LRRC7: variants seen among roughly 807,000 people sequenced by gnomAD.
LRRC7 encodes the protein leucine rich repeat containing 7.
A neutral mutation model predicts 175.7 loss-of-function variants in LRRC7; 23 were observed. The observed-to-expected ratio is 0.13, with a 90% confidence interval of 0.09 to 0.19. The LOEUF is 0.19. LRRC7 is among the 10% of genes least tolerant of loss of function. The pLI is 1.00. For missense variants in LRRC7, 1,354 were observed against 1,904.7 expected (o/e 0.71, Z 5.38); for synonymous variants, 685 against 680.9 (o/e 1.01, Z -0.09).
intron 3 of LRRC7, among the ~76,000 whole-genome samples, chr1:69,764,730 C>CAGACAGATAGATAGATAGATAGATAGAT (rs1377304958): frequency 7.1e-6 from 1 of 140,300 alleles, no homozygotes; most frequent in Non-Finnish European, 1.5e-5. Context: ...GATAGATAGA[C>CAGACAGATAGATAGATAGATAGATAGAT]AGATAGATAG....
intron 11 of LRRC7, among the ~76,000 whole-genome samples, chr1:70,010,183 T>C (rs1418057712): frequency 6.6e-6 from 1 of 152,232 alleles, no homozygotes; most frequent in Non-Finnish European, 1.5e-5. Context: ...AAATCCATTC[T>C]GACTTCAACC....
intron 18 of LRRC7, among the ~76,000 whole-genome samples, chr1:70,032,193 G>A (rs1658819081): frequency 6.6e-6 from 1 of 152,128 alleles, no homozygotes; most frequent in Non-Finnish European, 1.5e-5. Context: ...GTCAATTATT[G>A]CTTTGTTTCC....
chr1:69,779,159 T>C (rs922254091), intron 3 of LRRC7, among the ~76,000 whole-genome samples: 8 of 152,256 alleles, frequency 5.3e-5, no homozygotes, highest in Non-Finnish European at 8.8e-5. Flanking sequence ...CCAGTAGTTT[T>C]TTATATGTCA....
At chr1:69,983,812 TTC>T (rs1653670952) in intron 9 of LRRC7, among the ~76,000 whole-genome samples, 3 of 152,234 alleles carry the variant, frequency 2.0e-5, no homozygotes. Flanking sequence ...TCTCAAAAAC[TTC>T]TTTCTTTGTC....
intron 7 of LRRC7, among the ~76,000 whole-genome samples, chr1:69,899,088 G>T (rs932471845): frequency 6.6e-6 from 1 of 152,174 alleles, no homozygotes; most frequent in Non-Finnish European, 1.5e-5. Flanking sequence ...TTTTTTATCT[G>T]TGAGCAGAAG....
intron 2 of LRRC7, among the ~76,000 whole-genome samples, chr1:69,716,688 C>G (rs1351207410): frequency 6.6e-6 from 1 of 151,700 alleles, no homozygotes; most frequent in Non-Finnish European, 1.5e-5. Flanking sequence ...AAGGTGATAT[C>G]AAATGAAATC....
chr1:69,604,518 ATACCT>A (rs998776582), intron 1 of LRRC7, among the ~76,000 whole-genome samples: 56 of 152,318 alleles, frequency 3.7e-4, no homozygotes, highest in African/African-American at 1.3e-3. Flanking sequence ...TAATTCACTA[ATACCT>A]TAACTTGATT....
chr1:69,768,325 GT>G (rs1329219254), intron 3 of LRRC7, among the ~76,000 whole-genome samples: 1 of 152,118 alleles, frequency 6.6e-6, no homozygotes, highest in Non-Finnish European at 1.5e-5. Context: ...TTTACCCTTG[GT>G]TTTTCCACTG....
At chr1:70,033,312 C>T (rs989925236) in intron 18 of LRRC7, among the ~76,000 whole-genome samples, 6 of 152,220 alleles carry the variant, frequency 3.9e-5, no homozygotes, top group African/African-American at 1.4e-4. Flanking sequence ...ATAAATACCA[C>T]ATAATGATAA....
intron 11 of LRRC7, among the ~76,000 whole-genome samples, chr1:69,999,686 A>G (rs567172182): frequency 6.6e-6 from 1 of 152,324 alleles, no homozygotes; most frequent in African/African-American, 2.4e-5. Context: ...TGATTCTGTC[A>G]GTTCTGGACA....
intron 13 of LRRC7, 139 bp downstream of exon 13, chr1:70,013,228 C>A: frequency 2.5e-6 from 1 of 404,038 alleles, no homozygotes; most frequent in Non-Finnish European, 4.5e-6. Context: ...CTTAAAATAG[C>A]AGAAGGTAAA....
At chr1:69,687,743 T>C (rs1661365535) in intron 2 of LRRC7, among the ~76,000 whole-genome samples, 1 of 152,116 alleles carries the variant, frequency 6.6e-6, no homozygotes, top group Non-Finnish European at 1.5e-5. Flanking sequence ...AGAATTTCTT[T>C]AATATTAGCA....
chr1:70,099,968 G>A (rs376902393), intron 25 of LRRC7, among the ~76,000 whole-genome samples: 6 of 152,046 alleles, frequency 3.9e-5, no homozygotes, highest in African/African-American at 1.4e-4. Context: ...AGGATTGTAA[G>A]TGAATGAATA....
At chr1:69,861,916 C>T (rs1557823673) in intron 7 of LRRC7, among the ~76,000 whole-genome samples, 1 of 152,172 alleles carries the variant, frequency 6.6e-6, no homozygotes, top group African/African-American at 2.4e-5. Flanking sequence ...TACAGTGTAG[C>T]TTTCTGGTAC....
chr1:69,746,907 C>A (rs1232124505), intron 2 of LRRC7, among the ~76,000 whole-genome samples: 1 of 152,128 alleles, frequency 6.6e-6, no homozygotes, highest in Non-Finnish European at 1.5e-5. Flanking sequence ...CAAATCAAGG[C>A]AAATCACTGT....
chr1:69,794,682 CT>C, intron 4 of LRRC7, among the ~76,000 whole-genome samples: 2 of 152,038 alleles, frequency 1.3e-5, no homozygotes, highest in Admixed American at 1.3e-4. Context: ...AAAAATCTAC[CT>C]TATTTTTAAA....
chr1:70,090,022 T>C (rs1402970862), intron 25 of LRRC7, among the ~76,000 whole-genome samples: 2 of 152,114 alleles, frequency 1.3e-5, no homozygotes, highest in East Asian at 3.9e-4. Context: ...AAGGGAAAAG[T>C]CTCTAAACAT....
intron 2 of LRRC7, 122 bp downstream of exon 2, chr1:69,678,600 G>C: frequency 1.5e-6 from 1 of 681,462 alleles, no homozygotes; most frequent in Non-Finnish European, 2.5e-6. Flanking sequence ...AGTCGAGTTG[G>C]TCTTTTAAAA....
In LRRC7 at chr1:70,142,313, A is replaced by C. The variant is rs1408442860; in HGVS notation, c.*20426A>C. ...AGAAAATTTGGTTTTAGCTTTGATG[A>C]CACCTAGCGTCAGTGGAATGCAATG... On this transcript the variant is annotated 3_prime_UTR_variant, in exon 27 of 27. Coordinates refer to ENST00000651989, the MANE Select transcript of LRRC7 (RefSeq NM_001370785.2). 1 of 152,122 alleles carries C rather than the reference A, an allele frequency of 6.6e-6. No individual in the cohort carries two copies. Among genetic ancestry groups the C allele is most frequent in the African/African-American group, 2.4e-5 (1 of 41,438 alleles). The allele number at this position is 152,122 out of a possible 1,614,324, so 9.4% of individuals were successfully genotyped here.
Sources: gnomAD v4.1 joint callset for allele counts (sites outside exome capture counted in the v4.1 genomes callset) on GRCh38, gnomAD v4.1.1 for gene constraint, MANE v1.5 for transcripts, NCBI Gene and HGNC (gene_info 2026-07-23, HGNC 2026-07-21) for gene names.